PANK1: variants seen among roughly 807,000 people sequenced by gnomAD.
PANK1 encodes the protein pantothenate kinase 1, also known as pantothenic acid kinase 1.
In PANK1, 18 loss-of-function variants were observed where a neutral mutation model predicts 40.1. The ratio of observed to expected loss-of-function variants is 0.45; its 90% confidence interval spans 0.31 to 0.67. The LOEUF is 0.67. PANK1 is among the 30% of genes least tolerant of loss of function. The probability of loss-of-function intolerance (pLI) is 0.06; values close to 1 mark genes in which losing one functional copy is unlikely to be tolerated. For synonymous variants in PANK1, 242 were observed against 237.7 expected (o/e 1.02, Z -0.17); for missense variants, 457 against 599.6 (o/e 0.76, Z 2.48).
rs553599906 is a variant in PANK1, at chr10:89,607,843, C to G, written c.645+3853G>C. Among the ~76,000 whole-genome samples, 13 of 141,366 alleles carry G rather than the reference C, an allele frequency of 9.2e-5. No individual in the cohort carries two copies. The East Asian group carries it at 1.9e-3, about 20-fold the overall frequency. 92.7% of individuals were successfully genotyped at this position (141,366 alleles called of 152,430 possible). The stretch of plus-strand genomic sequence containing the variant: ...CTGAAACCTACAGAGCCTTGGTGCA[C>G]AGCCATGCAGAGTTCTCCATCTTGA... On this transcript the variant is annotated intron_variant, in intron 2 of 6. Transcript: ENST00000307534.
rs1311691387 is a variant in PANK1 at position 89,627,922 on chromosome 10, A to C, written c.293-15874T>G. On this transcript the variant is annotated intron_variant, in intron 1 of 6. Transcript: ENST00000307534. ...ATAAGAGCTCTGGCCCATAACAGGCAAATGAAAAGATGCTCAACATCATTG... is the reference window on the plus strand; with the variant it reads ...ATAAGAGCTCTGGCCCATAACAGGCCAATGAAAAGATGCTCAACATCATTG... Among the ~76,000 whole-genome samples the C allele has an allele frequency of 2.0e-5, 3 of 152,358 alleles. No homozygotes were observed. The East Asian group carries it at 5.8e-4, about 29-fold the overall frequency.
intron 1 of PANK1, chr10:89,613,979 A>C: frequency 2.2e-6 from 1 of 456,754 alleles, no homozygotes; most frequent in South Asian, 1.5e-5. Context: ...GGGTTGCATT[A>C]AAATTATCTC....
intron 2 of PANK1, among the ~76,000 whole-genome samples, chr10:89,607,679 C>A (rs1291176610): frequency 1.3e-5 from 2 of 152,184 alleles, no homozygotes; most frequent in African/African-American, 4.8e-5. Context: ...AAATACCTTG[C>A]ATTCTTGAGA....
intron 1 of PANK1, among the ~76,000 whole-genome samples, chr10:89,641,554 C>T (rs796470503): frequency 1.4e-4 from 21 of 152,150 alleles, no homozygotes; most frequent in African/African-American, 5.1e-4. Flanking sequence ...TGCCCTTGAG[C>T]CCTTCAGATG....
At chr10:89,588,072 A>G (rs1376893358) in intron 6 of PANK1, among the ~76,000 whole-genome samples, 1 of 152,168 alleles carries the variant, frequency 6.6e-6, no homozygotes, top group East Asian at 1.9e-4. Flanking sequence ...GAGGACATGT[A>G]GTATTTGTCT....
chr10:89,643,331 C>A (rs1842018732), intron 1 of PANK1, among the ~76,000 whole-genome samples: 2 of 152,138 alleles, frequency 1.3e-5, no homozygotes, highest in Non-Finnish European at 2.9e-5. Flanking sequence ...GTATCAAAAA[C>A]AAAAGCAAAT....
intron 5 of PANK1, among the ~76,000 whole-genome samples, chr10:89,591,400 T>C (rs1011321840): frequency 6.6e-6 from 1 of 152,160 alleles, no homozygotes; most frequent in Non-Finnish European, 1.5e-5. Context: ...AATCAGAAAA[T>C]TTATAACTGA....
intron 2 of PANK1, among the ~76,000 whole-genome samples, chr10:89,605,155 T>A (rs1209104812): frequency 1.3e-5 from 2 of 152,196 alleles, no homozygotes; most frequent in Non-Finnish European, 2.9e-5. Flanking sequence ...GTAATCTTTT[T>A]GCTGGTGGAG....
intron 1 of PANK1, among the ~76,000 whole-genome samples, chr10:89,630,224 C>T (rs1841593002): frequency 6.6e-6 from 1 of 152,082 alleles, no homozygotes; most frequent in South Asian, 2.1e-4. Flanking sequence ...TACAAACTTG[C>T]CAATAAATAG....
At chr10:89,605,274 T>C (rs1047537661) in intron 2 of PANK1, among the ~76,000 whole-genome samples, 4 of 152,138 alleles carry the variant, frequency 2.6e-5, no homozygotes, top group Non-Finnish European at 5.9e-5. Context: ...GTTTGCCGCA[T>C]TGGTTGACTC....
Position 89,644,531 on chromosome 10 carries a change from C to T in PANK1, c.292+69G>A, listed in dbSNP as rs1049391161. 8 of 1,413,242 alleles carry T rather than the reference C, an allele frequency of 5.7e-6. No homozygotes were observed. In the African/African-American group the frequency reaches 7.4e-5, roughly 13 times the overall value. The allele number at this position is 1,413,242 out of a possible 1,614,324, so 87.5% of individuals were successfully genotyped here. A position where few individuals can be genotyped will look rare whatever the true frequency, so the allele number is the denominator to read the frequency against. On this transcript the variant is annotated intron_variant, in intron 1 of 6. Coordinates refer to ENST00000307534, the MANE Select transcript of PANK1 (RefSeq NM_148977.3). The stretch of plus-strand genomic sequence containing the variant: ...GGCGTGCTGCGGCGCCTGCCTCAGC[C>T]GCTCCCAGTCCCGGGCCCCGCACGC...
intron 2 of PANK1, among the ~76,000 whole-genome samples, chr10:89,605,253 A>G (rs970048102): frequency 6.6e-6 from 1 of 152,176 alleles, no homozygotes; most frequent in Non-Finnish European, 1.5e-5. Context: ...CTTAAAATAA[A>G]CAAAAATGAA....
intron 1 of PANK1, 114 bp downstream of exon 1, chr10:89,644,486 G>A (rs1408453360): frequency 3.3e-6 from 3 of 911,906 alleles, no homozygotes; most frequent in Admixed American, 2.8e-5. Flanking sequence ...TCCCTCGACC[G>A]CAGACGCGGG....
chr10:89,589,232 T>G (rs1007539060), intron 5 of PANK1, among the ~76,000 whole-genome samples: 1 of 152,204 alleles, frequency 6.6e-6, no homozygotes, highest in Non-Finnish European at 1.5e-5. Flanking sequence ...TGTTCTGTGC[T>G]GGACACTAGA....
At chr10:89,619,547 A>G (rs554859433) in intron 1 of PANK1, among the ~76,000 whole-genome samples, 1 of 152,320 alleles carries the variant, frequency 6.6e-6, no homozygotes, top group East Asian at 1.9e-4. Context: ...GTTCCTGGTG[A>G]GGCACAAGTG....
intron 2 of PANK1, 21 bp downstream of exon 2, chr10:89,611,675 A>G: frequency 1.3e-6 from 2 of 1,550,912 alleles, no homozygotes; most frequent in Non-Finnish European, 1.8e-6. Flanking sequence ...TGATGTTTTA[A>G]CAAAGACAAA....
chr10:89,639,422 G>A (rs759249308), intron 1 of PANK1, among the ~76,000 whole-genome samples: 1 of 152,120 alleles, frequency 6.6e-6, no homozygotes, highest in Non-Finnish European at 1.5e-5. Context: ...CATTCAAACC[G>A]TGGTAAATAG....
chr10:89,608,296 G>A (rs937674602), intron 2 of PANK1, among the ~76,000 whole-genome samples: 12 of 152,164 alleles, frequency 7.9e-5, no homozygotes, highest in African/African-American at 2.9e-4. Flanking sequence ...CCCCCAAAGT[G>A]CTGGGATTAC....
chr10:89,601,436 G>A (rs7070711), intron 2 of PANK1, among the ~76,000 whole-genome samples: 12,036 of 151,526 alleles, frequency 0.079, 898 homozygotes, highest in African/African-American at 0.2. Flanking sequence ...AGCCATGGTC[G>A]TGTCACTGCA....
Sources: allele counts gnomAD v4.1 joint callset (sites outside exome capture counted in the v4.1 genomes callset), GRCh38; gene constraint gnomAD v4.1.1; transcripts MANE v1.5; gene names NCBI Gene and HGNC (gene_info 2026-07-23, HGNC 2026-07-21).